The following PTPRR variants were observed in gnomAD, a reference collection of about 807,000 sequenced individuals.
PTPRR encodes the protein receptor-type tyrosine-protein phosphatase R.
In PTPRR, 38 loss-of-function variants were observed where a neutral mutation model predicts 77.2. The ratio of observed to expected loss-of-function variants is 0.49; its 90% CI spans 0.38 to 0.65. The LOEUF (loss-of-function observed/expected upper bound fraction) is 0.65. Among genes scored for constraint, PTPRR ranks in the 30% least tolerant of loss-of-function variants. The probability of loss-of-function intolerance (pLI) is 0.00; values close to 1 mark genes in which losing one functional copy is unlikely to be tolerated. For missense variants in PTPRR, 744 were observed against 799.2 expected, an observed-to-expected ratio of 0.93 and a Z score of 0.83; for synonymous variants, 299 against 283.1, an observed-to-expected ratio of 1.06 and a Z score of -0.57.
intron 9 of PTPRR, 77 bp downstream of exon 9, chr12:70,684,627 A>G: frequency 9.7e-7 from 1 of 1,032,872 alleles, no homozygotes; most frequent in Non-Finnish European, 1.4e-6. Flanking sequence ...AGCTTAATCT[A>G]CTCTAGGAAA....
chr12:70,821,213 CTTTTTTTTTTTTTTTTTTTTTTTT>C (rs61539990), intron 2 of PTPRR, among the ~76,000 whole-genome samples: 3 of 31,990 alleles, frequency 9.4e-5, no homozygotes. Context: ...GGGATCACTG[CTTTTTTTTTTTTTTTTTTTTTTTT>C]TTTTTAGGAC....
intron 2 of PTPRR, among the ~76,000 whole-genome samples, chr12:70,865,537 A>G (rs1383268952): frequency 1.3e-5 from 2 of 152,180 alleles, no homozygotes; most frequent in African/African-American, 4.8e-5. Flanking sequence ...TGAGAGAGTC[A>G]GGCAGAAAAA....
intron 4 of PTPRR, chr12:70,754,503 A>C: frequency 6.3e-7 from 1 of 1,575,326 alleles, no homozygotes; most frequent in Non-Finnish European, 8.5e-7. Flanking sequence ...TTAGTCTCCT[A>C]TGCAGGAGCA....
At chr12:70,782,546 G>C (rs952774136) in intron 2 of PTPRR, among the ~76,000 whole-genome samples, 1 of 152,066 alleles carries the variant, frequency 6.6e-6, no homozygotes, top group African/African-American at 2.4e-5. Flanking sequence ...GTAGGGACAT[G>C]GATGAAGCTG....
At chr12:70,882,014 G>C (rs1029805762) in intron 2 of PTPRR, among the ~76,000 whole-genome samples, 1 of 152,084 alleles carries the variant, frequency 6.6e-6, no homozygotes, top group African/African-American at 2.4e-5. Flanking sequence ...TTTGCGTTAC[G>C]CTGTTGGATT....
chr12:70,682,933 A>G (rs113310938), intron 10 of PTPRR, among the ~76,000 whole-genome samples: 3,176 of 152,048 alleles, frequency 0.021, 62 homozygotes, highest in Admixed American at 0.038. Context: ...TTTTTCCAGA[A>G]TATAGTGTGT....
At position 70,843,808 on chromosome 12, in the gene PTPRR, AT is replaced by A. The variant is rs201003875; in HGVS notation, c.357+48870del. On this transcript the variant is annotated intron_variant, in intron 2 of 13. Transcript: ENST00000283228. ...ATTTGAGACATAAATGTTGCTGAAA[AT>A]TTTTTTTTTTTTTTTTTTTTTTTGA... Among the ~76,000 whole-genome samples, 442 of 124,644 alleles carry A rather than the reference AT, an allele frequency of 3.5e-3. 2 individuals carry two copies. Among genetic ancestry groups the A allele is most frequent in the East Asian group, 0.019 (83 of 4,270 alleles). 81.8% of individuals were successfully genotyped at this position (124,644 alleles called of 152,430 possible).
rs143510584 is a variant in PTPRR at position 70,914,264 on chromosome 12, G to A, written c.58+6069C>T. 4.5e-3 allele frequency among the ~76,000 whole-genome samples: 685 copies of A among 152,286 alleles called. 5 individuals carry two copies. Among genetic ancestry groups the A allele is most frequent in the African/African-American group, 0.015 (644 of 41,566 alleles). On this transcript the variant is annotated intron_variant, in intron 1 of 13. Transcript: ENST00000283228. ...GAGGGCAAGATGAGAAGACCTCATC[G>A]CAAAAGACTGCCTTCCTAATGAGTT... is the stretch of plus-strand genomic sequence containing the variant.
intron 3 of PTPRR, among the ~76,000 whole-genome samples, 183 bp from the exon 4 acceptor site, chr12:70,761,809 T>G (rs552420888): frequency 6.6e-6 from 1 of 152,346 alleles, no homozygotes; most frequent in East Asian, 1.9e-4. Context: ...AAGTCTAAAA[T>G]CTTCAAATAG....
chr12:70,733,093 C>G (rs1889720029), intron 6 of PTPRR, among the ~76,000 whole-genome samples: 1 of 151,908 alleles, frequency 6.6e-6, no homozygotes, highest in Non-Finnish European at 1.5e-5. Context: ...GGGGAGAATC[C>G]TTGAGGGCTG....
intron 6 of PTPRR, among the ~76,000 whole-genome samples, chr12:70,745,606 A>T (rs1169245990): frequency 6.6e-6 from 1 of 152,176 alleles, no homozygotes; most frequent in African/African-American, 2.4e-5. Context: ...TTGAATCTAG[A>T]CAAGCTTAGC....
chr12:70,842,440 C>T (rs978881491), intron 2 of PTPRR, among the ~76,000 whole-genome samples: 1 of 152,186 alleles, frequency 6.6e-6, no homozygotes, highest in Admixed American at 6.5e-5. Flanking sequence ...TGGCTTAAAA[C>T]AAAGGAAATT....
intron 2 of PTPRR, among the ~76,000 whole-genome samples, chr12:70,886,997 TG>T (rs1316523936): frequency 6.6e-6 from 1 of 152,244 alleles, no homozygotes; most frequent in African/African-American, 2.4e-5. Flanking sequence ...TAAATGTCTT[TG>T]GAAGCTGTAG....
chr12:70,670,641 CAGTA>C (rs1374590682), intron 10 of PTPRR, among the ~76,000 whole-genome samples: 2 of 152,154 alleles, frequency 1.3e-5, no homozygotes, highest in Non-Finnish European at 2.9e-5. Context: ...GAGAGAAATG[CAGTA>C]AGTAACTTCC....
chr12:70,876,761 T>C (rs916544590), intron 2 of PTPRR, among the ~76,000 whole-genome samples: 1 of 152,224 alleles, frequency 6.6e-6, no homozygotes, highest in Non-Finnish European at 1.5e-5. Context: ...GTCTTCTTTC[T>C]AACAGAAGTT....
intron 2 of PTPRR, among the ~76,000 whole-genome samples, chr12:70,887,990 C>A (rs1893269642): frequency 7.2e-6 from 1 of 139,402 alleles, no homozygotes; most frequent in African/African-American, 2.8e-5. Context: ...AGTTCAATGG[C>A]AATAAGAAGG....
intron 2 of PTPRR, among the ~76,000 whole-genome samples, chr12:70,806,917 C>T (rs564018548): frequency 7.2e-5 from 11 of 152,300 alleles, no homozygotes; most frequent in South Asian, 4.1e-4. Context: ...TCAAGTCCCT[C>T]CTTTTCTCTT....
intron 13 of PTPRR, among the ~76,000 whole-genome samples, chr12:70,647,073 A>T (rs1051894651): frequency 1.3e-4 from 20 of 152,130 alleles, no homozygotes; most frequent in Non-Finnish European, 7.4e-5. Context: ...TTTGGATGTC[A>T]TTCCAGTTTA....
chr12:70,887,250 G>A (rs182154819), intron 2 of PTPRR, among the ~76,000 whole-genome samples: 80 of 152,192 alleles, frequency 5.3e-4, no homozygotes, highest in African/African-American at 1.7e-3. Context: ...AGGAGTTTGA[G>A]ACCAGCTGGG....
Sources: gnomAD v4.1 joint callset for allele counts (sites outside exome capture counted in the v4.1 genomes callset) on GRCh38, gnomAD v4.1.1 for gene constraint, MANE v1.5 for transcripts, NCBI Gene and HGNC (gene_info 2026-07-23, HGNC 2026-07-21) for gene names.